The following CHRM5 variants were observed in gnomAD, a reference collection of about 807,000 sequenced individuals.
CHRM5 encodes cholinergic receptor muscarinic 5, also known as muscarinic acetylcholine receptor M5.
CHRM5 carries 18 observed loss-of-function variants against 39.0 expected under a neutral mutation model. That is an observed-to-expected ratio of 0.46 (90% CI 0.32 to 0.68). The LOEUF is 0.68. CHRM5 is among the 30% of genes least tolerant of loss of function. The probability of loss-of-function intolerance (pLI) is 0.04; values close to 1 mark genes in which losing one functional copy is unlikely to be tolerated. For missense variants in CHRM5, 515 were observed against 651.1 expected, an observed-to-expected ratio of 0.79 and a Z score of 2.28; for synonymous variants, 241 against 246.3, an observed-to-expected ratio of 0.98 and a Z score of 0.20.
intron 1 of CHRM5, chr15:33,991,485 C>T (rs1434543905): frequency 1.4e-5 from 2 of 147,478 alleles, no homozygotes; most frequent in African/African-American, 2.6e-5. Flanking sequence ...ATATCTACTA[C>T]GGACCCACAA....
chr15:33,994,764 A>C (rs1423776488), intron 1 of CHRM5, among the ~76,000 whole-genome samples: 1 of 152,210 alleles, frequency 6.6e-6, no homozygotes, highest in African/African-American at 2.4e-5. Context: ...ATATATGTTA[A>C]GCTATATTCT....
chr15:34,011,222 A>G (rs1897624362), intron 1 of CHRM5, among the ~76,000 whole-genome samples: 2 of 152,190 alleles, frequency 1.3e-5, no homozygotes, highest in African/African-American at 2.4e-5. Flanking sequence ...GGCCTATACG[A>G]AAAAGGAAAA....
At chr15:34,002,440 T>C (rs1252283372) in intron 1 of CHRM5, among the ~76,000 whole-genome samples, 7 of 151,156 alleles carry the variant, frequency 4.6e-5, no homozygotes, top group African/African-American at 1.7e-4. Flanking sequence ...CACTCCTCCA[T>C]TCTTCCCTGT....
At chr15:33,986,302 G>A (rs145751019) in intron 1 of CHRM5, among the ~76,000 whole-genome samples, 1 of 151,690 alleles carries the variant, frequency 6.6e-6, no homozygotes, top group Non-Finnish European at 1.5e-5. Flanking sequence ...GTAGAAACGG[G>A]GTTTCACCAT....
intron 1 of CHRM5, among the ~76,000 whole-genome samples, chr15:33,973,419 T>C (rs1448999219): frequency 1.3e-5 from 2 of 152,226 alleles, no homozygotes; most frequent in Admixed American, 1.3e-4. Context: ...CCTTCATTTG[T>C]GTTGCAAAGA....
intron 1 of CHRM5, among the ~76,000 whole-genome samples, chr15:34,031,116 T>G (rs1391192809): frequency 1.4e-4 from 1 of 7,252 alleles, no homozygotes; most frequent in Non-Finnish European, 5.9e-3. Flanking sequence ...AGAATACATA[T>G]GAGTTTTTTT....
chr15:33,969,907 C>A, intron 1 of CHRM5, among the ~76,000 whole-genome samples: 1 of 151,954 alleles, frequency 6.6e-6, no homozygotes, highest in Non-Finnish European at 1.5e-5. Context: ...TTAAGAAATT[C>A]CCTAGAAATC....
At chr15:34,012,389 C>T (rs971290289) in intron 1 of CHRM5, among the ~76,000 whole-genome samples, 1 of 152,124 alleles carries the variant, frequency 6.6e-6, no homozygotes, top group Admixed American at 6.5e-5. Context: ...TATATAAATA[C>T]CCTGAGCATT....
At chr15:34,041,956 A>G (rs1899493026) in intron 1 of CHRM5, among the ~76,000 whole-genome samples, 1 of 152,204 alleles carries the variant, frequency 6.6e-6, no homozygotes, top group Non-Finnish European at 1.5e-5. Context: ...TTCAAGGCGT[A>G]TCTTGTTTTT....
rs960867785 is a variant in CHRM5 at position 34,064,847 on chromosome 15, T to A, written c.*531T>A. 1.7e-5 allele frequency: 3 copies of A among 179,562 alleles called. No homozygotes were observed. Among genetic ancestry groups the A allele is most frequent in the Non-Finnish European group, 4.0e-5 (3 of 74,710 alleles). 11.1% of individuals were successfully genotyped at this position (179,562 alleles called of 1,614,324 possible). ...TCTTCATAAACTGATCACTATCTAT[T>A]ATGCAGCTATTATGTGGTCTATACT... On this transcript the variant is annotated 3_prime_UTR_variant, in exon 3 of 3. Coordinates refer to ENST00000383263, the MANE Select transcript of CHRM5 (RefSeq NM_012125.4).
intron 1 of CHRM5, chr15:33,972,278 A>G (rs1440802305): frequency 6.6e-6 from 1 of 152,012 alleles, no homozygotes; most frequent in Non-Finnish European, 1.5e-5. Context: ...ATAGATGCAA[A>G]ATTTCACCTT....
chr15:33,973,091 G>C (rs1014461283), intron 1 of CHRM5, among the ~76,000 whole-genome samples: 4 of 152,154 alleles, frequency 2.6e-5, no homozygotes, highest in Admixed American at 6.5e-5. Context: ...GAAATTATTA[G>C]TGAAATAACT....
At chr15:34,023,196 AAAG>A (rs1898288486) in intron 1 of CHRM5, among the ~76,000 whole-genome samples, 1 of 152,000 alleles carries the variant, frequency 6.6e-6, no homozygotes, top group Admixed American at 6.5e-5. Context: ...AAAAAAAGGA[AAAG>A]AACAATGAGA....
intron 1 of CHRM5, among the ~76,000 whole-genome samples, chr15:34,036,354 A>C (rs920046510): frequency 6.6e-6 from 1 of 152,138 alleles, no homozygotes; most frequent in African/African-American, 2.4e-5. Flanking sequence ...AGTGGTCCAA[A>C]ATAGAAAGCA....
At chr15:33,978,048 C>A (rs549921912) in intron 1 of CHRM5, among the ~76,000 whole-genome samples, 2 of 149,352 alleles carry the variant, frequency 1.3e-5, no homozygotes, top group African/African-American at 4.9e-5. Flanking sequence ...GAGGAGGAAG[C>A]GAGAGAGGTA....
Position 34,062,987 on chromosome 15 carries a change from C to A in CHRM5, c.270C>A (p.Tyr90Ter). Reference protein sequence around the residue: ...GIFSMNLYTTYILMGRWALGS... With the variant: ...GIFSMNLYTT ...TCTCCATGAACCTCTACACCACCTA[C>A]ATCCTCATGGGACGCTGGGCTCTCG... is the stretch of plus-strand genomic sequence containing the variant. Residue 90 changes from tyrosine to a stop codon, truncating the protein, a stop_gained, in exon 3 of 3, where the codon TAC (tyrosine) becomes TAA (stop). Coordinates refer to ENST00000383263, the MANE Select transcript of CHRM5 (RefSeq NM_012125.4). LOFTEE classifies it high-confidence loss of function. 6.2e-7 allele frequency: 1 copy of A among 1,614,230 alleles called. No individual in the cohort carries two copies. Among genetic ancestry groups the A allele is most frequent in the East Asian group, 2.2e-5 (1 of 44,884 alleles).
In CHRM5 at chr15:34,046,745, T is replaced by G. The variant is rs967825041; in HGVS notation, c.-202T>G. On this transcript the variant is annotated 5_prime_UTR_variant, in exon 2 of 3. Coordinates refer to ENST00000383263, the MANE Select transcript of CHRM5 (RefSeq NM_012125.4). ...GCGCCTTCAACTGAAATATCCAGGT[T>G]CTCGCTTTGGGACTAATTGGGCAAA... The G allele has an allele frequency of 1.3e-5, 2 of 152,268 alleles. No homozygotes were observed. The highest frequency in any genetic ancestry group is 6.5e-5 in the Admixed American group (1 of 15,286). 9.4% of individuals were successfully genotyped at this position (152,268 alleles called of 1,614,324 possible). A position where few individuals can be genotyped will look rare whatever the true frequency, so the allele number is the denominator to read the frequency against.
At chr15:34,048,978 C>T (rs1333184840) in intron 2 of CHRM5, among the ~76,000 whole-genome samples, 1 of 152,170 alleles carries the variant, frequency 6.6e-6, no homozygotes, top group Non-Finnish European at 1.5e-5. Context: ...AGTTGTCTGA[C>T]TGTTAAAAGA....
chr15:33,996,822 G>A (rs1896955791), intron 1 of CHRM5, among the ~76,000 whole-genome samples: 5 of 152,284 alleles, frequency 3.3e-5, no homozygotes, highest in Admixed American at 6.5e-5. Flanking sequence ...GCAGCTCCTC[G>A]CTAGCAAGAG....
Sources: gnomAD v4.1 joint callset for allele counts (sites outside exome capture counted in the v4.1 genomes callset) on GRCh38, gnomAD v4.1.1 for gene constraint, MANE v1.5 for transcripts, NCBI Gene and HGNC (gene_info 2026-07-23, HGNC 2026-07-21) for gene names.